CHODL: variants seen among roughly 807,000 people sequenced by gnomAD.
The protein encoded by CHODL is chondrolectin.
A neutral mutation model predicts 34.5 loss-of-function variants in CHODL; 29 were observed. The ratio of observed to expected loss-of-function variants is 0.84; its 90% CI spans 0.63 to 1.15. CHODL has a LOEUF of 1.15. Ranked by LOEUF, CHODL falls within the 50% of genes most tolerant of loss-of-function variation. The pLI is 0.00. For missense variants in CHODL, 332 were observed against 332.5 expected (o/e 1.00, Z 0.01); for synonymous variants, 125 against 116.1 (o/e 1.08, Z -0.49).
At chr21:18,208,726 C>T (rs1335111134) in intron 2 of CHODL, among the ~76,000 whole-genome samples, 1 of 152,114 alleles carries the variant, frequency 6.6e-6, no homozygotes. Flanking sequence ...ACCCCAAGCC[C>T]AGTAATGACA....
In CHODL at chr21:18,256,666, A is replaced by G. The variant is rs375784288; in HGVS notation, c.237A>G (p.Leu79=). ...LSLENEAEQK[L]IESMLQNLTK... The stretch of plus-strand genomic sequence containing the variant: ...TTGAGAATGAAGCAGAACAGAAGTT[A>G]ATAGAGAGCATGTTGCAAAACCTGA... Residue 79 remains leucine, a synonymous_variant, in exon 2 of 6, where the codon TTA becomes TTG. Transcript: ENST00000299295. 6 of 1,613,954 alleles carry G rather than the reference A, an allele frequency of 3.7e-6. No individual in the cohort carries two copies. The African/African-American group carries it at 6.7e-5, about 18-fold the overall frequency.
At chr21:17,993,401 G>T (rs2063816668) in intron 1 of CHODL, among the ~76,000 whole-genome samples, 1 of 152,078 alleles carries the variant, frequency 6.6e-6, no homozygotes, top group South Asian at 2.1e-4. Context: ...CCCAGTGTCT[G>T]TTGTTCTCCT....
At chr21:18,257,232 T>A (rs963892443) in intron 3 of CHODL, 105 bp downstream of exon 3, 6 of 1,067,140 alleles carry the variant, frequency 5.6e-6, no homozygotes, top group Non-Finnish European at 6.6e-6. Context: ...TTTTCTGCTG[T>A]GAAATAGAAA....
chr21:18,134,366 G>T (rs538603814), intron 2 of CHODL: 3 of 517,588 alleles, frequency 5.8e-6, no homozygotes, highest in African/African-American at 1.9e-5. Flanking sequence ...TGAGTGAAAG[G>T]TGGAGGTGTT....
At chr21:18,255,891 G>C (rs187645648) in intron 1 of CHODL, among the ~76,000 whole-genome samples, 5 of 151,952 alleles carry the variant, frequency 3.3e-5, no homozygotes, top group African/African-American at 9.7e-5. Context: ...TTTTTTCAGA[G>C]ATAGTGAGTA....
At chr21:18,261,344 AAAACTT>A (rs972995632) in intron 4 of CHODL, among the ~76,000 whole-genome samples, 4 of 149,840 alleles carry the variant, frequency 2.7e-5, no homozygotes, top group Non-Finnish European at 4.4e-5. Context: ...CATGTACACT[AAAACTT>A]AAAGTATGAT....
chr21:17,979,553 G>T (rs1422045831), intron 1 of CHODL, among the ~76,000 whole-genome samples: 1 of 151,982 alleles, frequency 6.6e-6, no homozygotes, highest in African/African-American at 2.4e-5. Context: ...GCTAATTTTT[G>T]GTTTATTGTA....
intron 2 of CHODL, among the ~76,000 whole-genome samples, chr21:18,170,060 A>G (rs2073208755): frequency 6.6e-6 from 1 of 151,844 alleles, no homozygotes; most frequent in Non-Finnish European, 1.5e-5. Flanking sequence ...TTAATTGTCT[A>G]TGTCTCTCTT....
At chr21:18,170,114 G>A (rs1417749042) in intron 2 of CHODL, among the ~76,000 whole-genome samples, 1 of 151,718 alleles carries the variant, frequency 6.6e-6, no homozygotes, top group Non-Finnish European at 1.5e-5. Context: ...GGCTTTTTTG[G>A]TGCATGTATA....
intron 1 of CHODL, among the ~76,000 whole-genome samples, chr21:17,985,963 AG>A (rs1353227426): frequency 6.6e-6 from 1 of 152,112 alleles, no homozygotes; most frequent in African/African-American, 2.4e-5. Context: ...CACATGACAC[AG>A]CACAAGCCCT....
At chr21:18,251,546 T>TATAAA (rs1555886301) in intron 1 of CHODL, among the ~76,000 whole-genome samples, 218 of 1,034 alleles carry the variant, frequency 0.21, 49 homozygotes, top group African/African-American at 0.41. Flanking sequence ...TATTTTAATA[T>TATAAA]ATAAATATTT....
At chr21:18,197,444 C>G (rs1460984678) in intron 2 of CHODL, among the ~76,000 whole-genome samples, 1 of 152,092 alleles carries the variant, frequency 6.6e-6, no homozygotes, top group East Asian at 1.9e-4. Flanking sequence ...AACCCTGTCT[C>G]TACCAAAAAA....
chr21:18,130,449 T>A lies in CHODL; in HGVS notation c.-45+102478T>A, dbSNP rs368588923. On this transcript the variant is annotated intron_variant, in intron 2 of 6. Coordinates refer to the CHODL transcript ENST00000400127. ...AAATGGATATTAAAATAGCTTGAGGTGTTTTAATACTTTAAATAGAGTATA... is the reference window on the plus strand; with the variant it reads ...AAATGGATATTAAAATAGCTTGAGGAGTTTTAATACTTTAAATAGAGTATA... Among the ~76,000 whole-genome samples, 75 of 152,242 alleles carry A rather than the reference T, an allele frequency of 4.9e-4. 1 individual carries two copies. The South Asian group carries it at 0.014, about 28-fold the overall frequency.
intron 1 of CHODL, among the ~76,000 whole-genome samples, chr21:18,021,705 G>C (rs1018503715): frequency 6.6e-6 from 1 of 152,274 alleles, no homozygotes; most frequent in African/African-American, 2.4e-5. Context: ...AAAATGTTTA[G>C]ATGTTGTATA....
At chr21:18,008,488 C>G (rs563477420) in intron 1 of CHODL, among the ~76,000 whole-genome samples, 32 of 152,136 alleles carry the variant, frequency 2.1e-4, no homozygotes, top group African/African-American at 6.7e-4. Context: ...TTTCCCCCTC[C>G]CCTCACAACT....
chr21:18,105,977 G>A (rs758958996), intron 2 of CHODL, among the ~76,000 whole-genome samples: 5 of 152,144 alleles, frequency 3.3e-5, no homozygotes, highest in Non-Finnish European at 7.3e-5. Flanking sequence ...AGGATCTCAG[G>A]TAGCAGTGGC....
chr21:18,255,862 C>A (rs993867129), intron 1 of CHODL, among the ~76,000 whole-genome samples: 7 of 151,944 alleles, frequency 4.6e-5, no homozygotes, highest in African/African-American at 1.4e-4. Context: ...AGAAAATACT[C>A]AAAAAATTGG....
intron 2 of CHODL, among the ~76,000 whole-genome samples, chr21:18,081,958 A>G (rs1207177479): frequency 6.6e-6 from 1 of 152,190 alleles, no homozygotes; most frequent in Non-Finnish European, 1.5e-5. Flanking sequence ...TATCACATTT[A>G]TTGATTTGCA....
At chr21:17,962,792 G>A (rs906646959) in intron 1 of CHODL, among the ~76,000 whole-genome samples, 5 of 152,096 alleles carry the variant, frequency 3.3e-5, no homozygotes, top group Non-Finnish European at 5.9e-5. Flanking sequence ...GGCCAGGCGC[G>A]GTGGCTCATG....
Sources: allele counts gnomAD v4.1 joint callset (sites outside exome capture counted in the v4.1 genomes callset), GRCh38; gene constraint gnomAD v4.1.1; transcripts MANE v1.5; gene names NCBI Gene and HGNC (gene_info 2026-07-23, HGNC 2026-07-21).